The following DNAH11 variants were observed in gnomAD, a reference collection of about 807,000 sequenced individuals.
DNAH11 encodes axonemal beta dynein heavy chain 11.
DNAH11 carries 442 observed loss-of-function variants against 526.0 expected under a neutral mutation model. The ratio of observed to expected loss-of-function variants is 0.84; its 90% confidence interval spans 0.78 to 0.91. DNAH11 has a LOEUF of 0.91. Ranked by LOEUF, DNAH11 falls within the 40% of genes least tolerant of loss-of-function variation. DNAH11 has a pLI of 0.00. For synonymous variants in DNAH11, 2,461 were observed against 1,935.9 expected (o/e 1.27, Z -7.12); for missense variants, 6,989 against 5,448.7 (o/e 1.28, Z -8.90).
chr7:21,739,580 AC>A lies in DNAH11; in HGVS notation c.7822del (p.Gln2608ArgfsTer3). On this transcript the variant is annotated frameshift_variant, in exon 48 of 82. Transcript: ENST00000409508. LOFTEE classifies it high-confidence loss of function. ...GTTTTCTGTCTTTCAGGTATGATAG[AC>A]AGAAGGTGATGCTTAAAGAAATCCA... Reference protein sequence around the residue: ...HIDYGHWYDRQKVMLKEIHNC... With the variant: ...HIDYGHWYDRXKVMLKEIHNC... The A allele has an allele frequency of 6.2e-7, 1 of 1,611,872 alleles. No individual in the cohort carries two copies. Among genetic ancestry groups the A allele is most frequent in the East Asian group, 2.2e-5 (1 of 44,848 alleles).
chr7:21,605,462 G>T (rs981832012), intron 18 of DNAH11, among the ~76,000 whole-genome samples: 2 of 152,172 alleles, frequency 1.3e-5, no homozygotes, highest in Admixed American at 1.3e-4. Flanking sequence ...TTGTAGGCAG[G>T]GAGAGCAGAG....
chr7:21,615,061 TG>T, intron 20 of DNAH11, 52 bp from the exon 21 acceptor site: 1 of 1,532,840 alleles, frequency 6.5e-7, no homozygotes, highest in South Asian at 1.3e-5. Flanking sequence ...CAGAACTGCA[TG>T]TCTTCTCTTT....
At chr7:21,650,422 TGA>T (rs958320358) in intron 28 of DNAH11, among the ~76,000 whole-genome samples, 21 of 152,222 alleles carry the variant, frequency 1.4e-4, no homozygotes, top group African/African-American at 5.1e-4. Flanking sequence ...TCTGTGTTTG[TGA>T]GTTATAACAT....
intron 25 of DNAH11, among the ~76,000 whole-genome samples, chr7:21,620,827 T>C (rs1323289484): frequency 1.3e-5 from 2 of 150,548 alleles, no homozygotes; most frequent in Non-Finnish European, 3.0e-5. Context: ...TGGTTTTTTG[T>C]TCTTGTGATA....
intron 59 of DNAH11, 103 bp downstream of exon 59, chr7:21,786,870 C>G (rs1176668817): frequency 4.8e-6 from 7 of 1,463,312 alleles, no homozygotes; most frequent in African/African-American, 1.4e-5. Context: ...CAGAAGAAAT[C>G]ATCTTCATAG....
chr7:21,684,291 G>A (rs980083710), intron 32 of DNAH11, among the ~76,000 whole-genome samples: 3 of 152,090 alleles, frequency 2.0e-5, no homozygotes, highest in African/African-American at 7.2e-5. Flanking sequence ...CATATTTGAG[G>A]AACTGCATAC....
At chr7:21,710,781 A>G (rs1372907264) in intron 41 of DNAH11, 78 bp downstream of exon 41, 3 of 1,402,226 alleles carry the variant, frequency 2.1e-6, no homozygotes, top group Non-Finnish European at 2.8e-6. Flanking sequence ...GTCGATGTTA[A>G]TACTAGTTTT....
intron 9 of DNAH11, among the ~76,000 whole-genome samples, chr7:21,587,619 G>C (rs1179507846): frequency 6.6e-6 from 1 of 152,032 alleles, no homozygotes; most frequent in Admixed American, 6.6e-5. Flanking sequence ...ATGGTGACTG[G>C]CACATCTGGT....
chr7:21,873,499 C>T lies in DNAH11; in HGVS notation c.12193C>T (p.Gln4065Ter), dbSNP rs1783578068. The T allele has an allele frequency of 6.2e-7, 1 of 1,613,820 alleles. No homozygotes were observed. Among genetic ancestry groups the T allele is most frequent in the South Asian group, 1.1e-5 (1 of 91,054 alleles). Residue 4065 changes from glutamine (Q) to a stop codon, truncating the protein, a stop_gained and splice_region_variant, in exon 74 of 82, where the codon CAG becomes TAG. Transcript: ENST00000409508. LOFTEE classifies it high-confidence loss of function. ...GCATGCCGCCCTGTACAACTTTGATCAGGTAAGAAAGCGAAGCAGGCTAGG... is the reference window on the plus strand; with the variant it reads ...GCATGCCGCCCTGTACAACTTTGATTAGGTAAGAAAGCGAAGCAGGCTAGG... ...NLHAALYNFDQDTLEICSKEQ... is the reference protein window; with the variant it reads ...NLHAALYNFD
intron 57 of DNAH11, among the ~76,000 whole-genome samples, chr7:21,779,398 A>G (rs1303376832): frequency 6.6e-6 from 1 of 152,172 alleles, no homozygotes; most frequent in African/African-American, 2.4e-5. Flanking sequence ...TAATACAGTA[A>G]AGGTCAGGAA....
intron 60 of DNAH11, 143 bp downstream of exon 60, chr7:21,787,726 T>C: frequency 1.5e-6 from 1 of 664,392 alleles, no homozygotes; most frequent in Non-Finnish European, 2.3e-6. Flanking sequence ...GACATGAGCA[T>C]GTTAGAGTAA....
At chr7:21,567,709 G>A (rs1272303331) in intron 6 of DNAH11, among the ~76,000 whole-genome samples, 2 of 152,206 alleles carry the variant, frequency 1.3e-5, no homozygotes, top group African/African-American at 4.8e-5. Flanking sequence ...ACCCTATGAC[G>A]GGAATGCCAG....
intron 65 of DNAH11, among the ~76,000 whole-genome samples, chr7:21,828,968 G>A (rs1004754422): frequency 6.6e-6 from 1 of 152,054 alleles, no homozygotes; most frequent in South Asian, 2.1e-4. Flanking sequence ...CTTGCCAGCT[G>A]TGCAGCTTTC....
At chr7:21,814,336 T>C (rs1299198184) in intron 63 of DNAH11, among the ~76,000 whole-genome samples, 1 of 84,434 alleles carries the variant, frequency 1.2e-5, no homozygotes, top group Admixed American at 1.2e-4. Context: ...AAATTTATTT[T>C]ATTTATTTAT....
rs575818586 is a variant in DNAH11 at position 21,629,273 on chromosome 7, C to T, written c.4501-6598C>T. 2.0e-4 allele frequency among the ~76,000 whole-genome samples: 31 copies of T among 152,134 alleles called. No homozygotes were observed. The East Asian group carries it at 4.2e-3, about 21-fold the overall frequency. On this transcript the variant is annotated intron_variant, in intron 25 of 81. Transcript: ENST00000409508. The stretch of plus-strand genomic sequence containing the variant: ...TTTCATTGTAATCAGAAAAGGTACT[C>T]GATATGATTTCTACTTTTTAGAATT...
chr7:21,679,567 T>C (rs1783053805), intron 30 of DNAH11, among the ~76,000 whole-genome samples: 1 of 152,226 alleles, frequency 6.6e-6, no homozygotes, highest in South Asian at 2.1e-4. Flanking sequence ...CAAATGCTTA[T>C]AAAGCTGTCG....
At chr7:21,596,119 A>C (rs1399516316) in intron 14 of DNAH11, among the ~76,000 whole-genome samples, 2 of 152,218 alleles carry the variant, frequency 1.3e-5, no homozygotes, top group African/African-American at 4.8e-5. Context: ...AATTTCTAAG[A>C]AAGTTTTAAT....
intron 40 of DNAH11, 48 bp downstream of exon 40, chr7:21,707,883 A>G (rs1304703419): frequency 1.3e-6 from 2 of 1,520,300 alleles, no homozygotes; most frequent in East Asian, 2.3e-5. Context: ...TCTATCCAGA[A>G]AGCCGTTTTT....
intron 57 of DNAH11, among the ~76,000 whole-genome samples, chr7:21,781,226 G>A (rs1319504911): frequency 6.6e-6 from 1 of 152,158 alleles, no homozygotes; most frequent in East Asian, 1.9e-4. Context: ...AAGTAATGCT[G>A]CATAACTCAC....
Sources: allele counts gnomAD v4.1 joint callset (sites outside exome capture counted in the v4.1 genomes callset), GRCh38; gene constraint gnomAD v4.1.1; transcripts MANE v1.5; gene names NCBI Gene and HGNC (gene_info 2026-07-23, HGNC 2026-07-21).